MDGA2: variants seen among roughly 807,000 people sequenced by gnomAD.
The protein encoded by MDGA2 is MAM domain-containing glycosylphosphatidylinositol anchor protein 2.
MDGA2 carries 40 observed loss-of-function variants against 117.8 expected under a neutral mutation model. That is an observed-to-expected ratio of 0.34 (90% confidence interval 0.26 to 0.44). MDGA2 has a LOEUF of 0.44. Among genes scored for constraint, MDGA2 ranks in the 20% least tolerant of loss-of-function variants. MDGA2 has a pLI of 1.00. For missense variants in MDGA2, 1,123 were observed against 1,250.6 expected, an observed-to-expected ratio of 0.90 and a Z score of 1.54; for synonymous variants, 452 against 439.0, an observed-to-expected ratio of 1.03 and a Z score of -0.37.
intron 1 of MDGA2, among the ~76,000 whole-genome samples, chr14:47,341,137 A>T (rs912758291): frequency 6.6e-6 from 1 of 152,126 alleles, no homozygotes. Flanking sequence ...GCTAACTTAC[A>T]TTTCCCTCCA....
intron 1 of MDGA2, among the ~76,000 whole-genome samples, chr14:47,387,107 T>G (rs910059117): frequency 6.6e-6 from 1 of 152,204 alleles, no homozygotes; most frequent in Non-Finnish European, 1.5e-5. Flanking sequence ...TGACTCGTGT[T>G]TCTGATACTT....
At chr14:47,273,806 G>T (rs932843799) in intron 2 of MDGA2, among the ~76,000 whole-genome samples, 12 of 152,106 alleles carry the variant, frequency 7.9e-5, no homozygotes, top group Admixed American at 5.9e-4. Flanking sequence ...CCCTATGCAT[G>T]AAGACCTATG....
chr14:46,915,061 CCAAGTTATGTTT>C (rs2138494467), intron 10 of MDGA2, among the ~76,000 whole-genome samples: 4 of 152,108 alleles, frequency 2.6e-5, no homozygotes, highest in African/African-American at 9.6e-5. Flanking sequence ...TTTAAACCAT[CCAAGTTATGTTT>C]ACTATGTTCA....
Position 47,301,526 on chromosome 14 carries a change from T to G in MDGA2, c.305A>C (p.His102Pro), listed in dbSNP as rs1889284592. The G allele has an allele frequency of 1.3e-6, 2 of 1,551,522 alleles. No individual in the cohort carries two copies. Among genetic ancestry groups the G allele is most frequent in the Non-Finnish European group, 1.7e-6 (2 of 1,146,976 alleles). Residue 102 changes from histidine to proline, a missense_variant, in exon 2 of 17, where the codon CAC (histidine) becomes CCC (proline). His to Pro is a moderately conservative substitution (Grantham distance 77). Transcript: ENST00000399232. ...VYAPPTVRIV[H>P]SGLACNIEEE... ...TTCAATGTTACAGGCCAAGCCTGAGTGCACAATACGAACCGTGGGAGGAGC... is the reference window on the plus strand; with the variant it reads ...TTCAATGTTACAGGCCAAGCCTGAGGGCACAATACGAACCGTGGGAGGAGC...
chr14:47,343,552 C>T (rs1159553204), intron 1 of MDGA2, among the ~76,000 whole-genome samples: 2 of 151,930 alleles, frequency 1.3e-5, no homozygotes, highest in Admixed American at 6.6e-5. Context: ...GTTGATATAG[C>T]ATAATTAACT....
chr14:47,072,377 C>A (rs1390324657), intron 6 of MDGA2, among the ~76,000 whole-genome samples: 3 of 152,106 alleles, frequency 2.0e-5, no homozygotes, highest in Non-Finnish European at 4.4e-5. Flanking sequence ...GTTTGCATTT[C>A]TTAGAGACTT....
intron 2 of MDGA2, among the ~76,000 whole-genome samples, chr14:47,269,047 A>G (rs1289647050): frequency 1.3e-5 from 2 of 152,170 alleles, no homozygotes; most frequent in Non-Finnish European, 2.9e-5. Flanking sequence ...AGGAGAAAAA[A>G]ATCTCTGTGG....
intron 7 of MDGA2, among the ~76,000 whole-genome samples, chr14:47,051,211 C>A (rs75705866): frequency 0.049 from 7,512 of 151,760 alleles, 269 homozygotes; most frequent in Non-Finnish European, 0.073. Context: ...CTTCTGGGGT[C>A]TATTTCCTTC....
chr14:47,405,719 T>A (rs1025463505), intron 1 of MDGA2, among the ~76,000 whole-genome samples: 21 of 152,194 alleles, frequency 1.4e-4, no homozygotes, highest in African/African-American at 4.8e-4. Flanking sequence ...TTTTGCATAA[T>A]CTTCCAAGCA....
At chr14:47,082,668 A>C (rs1467615620) in intron 6 of MDGA2, among the ~76,000 whole-genome samples, 1 of 152,072 alleles carries the variant, frequency 6.6e-6, no homozygotes, top group Admixed American at 6.6e-5. Flanking sequence ...TTTTTCATAC[A>C]AAATAAATGG....
chr14:47,100,464 A>G (rs1880241583), intron 5 of MDGA2, among the ~76,000 whole-genome samples: 2 of 152,212 alleles, frequency 1.3e-5, no homozygotes, highest in Admixed American at 1.3e-4. Flanking sequence ...ATATAAGGTT[A>G]AACATGGAAG....
chr14:47,118,423 C>T (rs992336004), intron 5 of MDGA2, among the ~76,000 whole-genome samples: 2 of 151,966 alleles, frequency 1.3e-5, no homozygotes, highest in Non-Finnish European at 2.9e-5. Flanking sequence ...AAACATAAAA[C>T]ATTGGATCAC....
intron 1 of MDGA2, among the ~76,000 whole-genome samples, chr14:47,332,797 C>T (rs1044075251): frequency 6.6e-6 from 1 of 151,898 alleles, no homozygotes; most frequent in Admixed American, 6.6e-5. Flanking sequence ...TTTCTCAGCC[C>T]TCGCCCCCTC....
chr14:47,129,243 C>CG (rs1343844831), intron 5 of MDGA2, among the ~76,000 whole-genome samples: 9 of 151,680 alleles, frequency 5.9e-5, no homozygotes, highest in African/African-American at 1.2e-4. Flanking sequence ...TATAGCTCCC[C>CG]CCCCGACCCC....
intron 6 of MDGA2, among the ~76,000 whole-genome samples, chr14:47,069,552 C>T (rs542899103): frequency 6.6e-6 from 1 of 152,276 alleles, no homozygotes; most frequent in Non-Finnish European, 1.5e-5. Context: ...ATTGTCATGA[C>T]ATTGTCCCAG....
chr14:47,535,167 C>A (rs982136780), intron 1 of MDGA2, among the ~76,000 whole-genome samples: 2 of 151,954 alleles, frequency 1.3e-5, no homozygotes, highest in Non-Finnish European at 2.9e-5. Context: ...AATTAAAAAG[C>A]AGCTATGTAC....
At chr14:46,974,206 A>T in intron 8 of MDGA2, among the ~76,000 whole-genome samples, 1 of 152,182 alleles carries the variant, frequency 6.6e-6, no homozygotes, top group African/African-American at 2.4e-5. Context: ...GAAACTACAG[A>T]ACATTTCTGA....
intron 3 of MDGA2, among the ~76,000 whole-genome samples, chr14:47,155,767 A>G (rs2139248920): frequency 6.6e-6 from 1 of 152,232 alleles, no homozygotes; most frequent in South Asian, 2.1e-4. Flanking sequence ...AAACTGAGCA[A>G]AACTTGGGCA....
intron 1 of MDGA2, among the ~76,000 whole-genome samples, chr14:47,517,019 T>C (rs987774845): frequency 2.1e-4 from 32 of 152,178 alleles, no homozygotes; most frequent in African/African-American, 6.3e-4. Flanking sequence ...AAGAAACAAT[T>C]GGAAGGAATC....
Sources: gnomAD v4.1 joint callset for allele counts (sites outside exome capture counted in the v4.1 genomes callset) on GRCh38, gnomAD v4.1.1 for gene constraint, MANE v1.5 for transcripts, NCBI Gene and HGNC (gene_info 2026-07-23, HGNC 2026-07-21) for gene names.